The following LDLRAD4 variants were observed in gnomAD, a reference collection of about 807,000 sequenced individuals.
LDLRAD4 encodes the protein low density lipoprotein receptor class A domain containing 4.
LDLRAD4 carries 5 observed loss-of-function variants against 17.0 expected under a neutral mutation model. That is an observed-to-expected ratio of 0.29 (90% CI 0.15 to 0.62). The LOEUF is 0.62. Ranked by LOEUF, LDLRAD4 falls within the 20% of genes least tolerant of loss-of-function variation. LDLRAD4 has a pLI of 0.84. For missense variants in LDLRAD4, 340 were observed against 424.7 expected (o/e 0.80, Z 1.75); for synonymous variants, 168 against 171.8 (o/e 0.98, Z 0.17).
At chr18:13,274,429 T>TA (rs2044738894), upstream of LDLRAD4, among the ~76,000 whole-genome samples, 1 of 152,182 alleles carries the variant, frequency 6.6e-6, no homozygotes, top group Non-Finnish European at 1.5e-5. Flanking sequence ...GCTAGAGAGT[T>TA]AAAGTTATGC....
intron 3 of LDLRAD4, among the ~76,000 whole-genome samples, chr18:13,589,715 T>C (rs2094984572): frequency 6.6e-6 from 1 of 151,818 alleles, no homozygotes; most frequent in Non-Finnish European, 1.5e-5. Flanking sequence ...CTTCAGATGG[T>C]GAAGTCAGAA....
At position 13,446,253 on chromosome 18, in the gene LDLRAD4, G is replaced by A. The variant is rs536106409; in HGVS notation, c.181+7869G>A. On this transcript the variant is annotated intron_variant, in intron 3 of 5. Coordinates refer to ENST00000359446, the Ensembl canonical transcript of LDLRAD4. ...CAGAGTCACACAGCCAAGGCGTGCC[G>A]CTGCTGGGGTGTTGAACTCAGGCCA... is the stretch of plus-strand genomic sequence containing the variant. Among the ~76,000 whole-genome samples, 5 of 152,272 alleles carry A rather than the reference G, an allele frequency of 3.3e-5. No homozygotes were observed. The East Asian group carries it at 5.8e-4, about 18-fold the overall frequency.
intron 2 of LDLRAD4, among the ~76,000 whole-genome samples, chr18:13,395,629 T>TTGGCGTTGGGTGGGGAGC (rs2086616624): frequency 5.8e-5 from 1 of 17,314 alleles, no homozygotes. Flanking sequence ...GGGGCGGGAG[T>TTGGCGTTGGGTGGGGAGC]TGGCGTTGGG....
intron 1 of LDLRAD4, among the ~76,000 whole-genome samples, chr18:13,370,721 T>TTTTTTGTTTGTTTTTG (rs1431231760): frequency 3.1e-4 from 45 of 147,098 alleles, no homozygotes; most frequent in African/African-American, 9.9e-4. Context: ...TTGTTTTTTT[T>TTTTTTGTTTGTTTTTG]TTTTTTTGAG....
intron 3 of LDLRAD4, among the ~76,000 whole-genome samples, chr18:13,580,605 C>T (rs1413283793): frequency 2.6e-5 from 4 of 152,266 alleles, no homozygotes; most frequent in South Asian, 2.1e-4. Flanking sequence ...GGCGATGGCA[C>T]GGTGGCCACT....
intron 3 of LDLRAD4, chr18:13,613,956 A>C (rs1427080799): frequency 6.6e-6 from 1 of 152,276 alleles, no homozygotes; most frequent in Non-Finnish European, 1.5e-5. Context: ...CAGAGTAACC[A>C]GGAGGCTCTT....
At chr18:13,353,114 G>A (rs745660259) in intron 1 of LDLRAD4, among the ~76,000 whole-genome samples, 4 of 151,898 alleles carry the variant, frequency 2.6e-5, no homozygotes, top group Non-Finnish European at 5.9e-5. Context: ...GTTTCTTCAG[G>A]GATAGTTTCC....
chr18:13,593,601 C>G (rs1438503462), intron 3 of LDLRAD4, among the ~76,000 whole-genome samples: 1 of 152,174 alleles, frequency 6.6e-6, no homozygotes, highest in African/African-American at 2.4e-5. Flanking sequence ...ATCCATCCAT[C>G]CATCCTATTT....
intron 1 of LDLRAD4, among the ~76,000 whole-genome samples, chr18:13,373,154 A>AAT (rs1419421468): frequency 8.9e-5 from 4 of 44,940 alleles, no homozygotes; most frequent in Non-Finnish European, 2.0e-4. Context: ...ACAACTGTTT[A>AAT]ATGTGTGTGT....
intron 3 of LDLRAD4, among the ~76,000 whole-genome samples, chr18:13,438,589 A>G (rs1381622903): frequency 6.6e-6 from 1 of 152,292 alleles, no homozygotes; most frequent in East Asian, 1.9e-4. Flanking sequence ...TAAAGTGGTC[A>G]GCGGAGCTGT....
chr18:13,522,787 G>C (rs1379060270), intron 3 of LDLRAD4: 1 of 152,792 alleles, frequency 6.5e-6, no homozygotes, highest in Admixed American at 6.5e-5. Flanking sequence ...TAAATCCTAG[G>C]GTGTTTTGGG....
intron 3 of LDLRAD4, among the ~76,000 whole-genome samples, chr18:13,506,876 C>G (rs907275615): frequency 1.3e-5 from 2 of 152,226 alleles, no homozygotes; most frequent in East Asian, 1.9e-4. Flanking sequence ...GCATGGTGAT[C>G]TGCATGGCAG....
At chr18:13,514,106 C>G (rs924959719) in intron 3 of LDLRAD4, among the ~76,000 whole-genome samples, 1 of 152,174 alleles carries the variant, frequency 6.6e-6, no homozygotes, top group Non-Finnish European at 1.5e-5. Context: ...TATGTTAACT[C>G]TTGTACTAAC....
At chr18:13,236,557 C>G (rs2042349265) in intron 1 of LDLRAD4, 1 of 152,238 alleles carries the variant, frequency 6.6e-6, no homozygotes, top group South Asian at 2.1e-4. Context: ...CTCAGGTGAT[C>G]CGCCCTCCTT....
chr18:13,396,754 A>T (rs2086730139), intron 2 of LDLRAD4, among the ~76,000 whole-genome samples: 1 of 152,198 alleles, frequency 6.6e-6, no homozygotes. Flanking sequence ...AAGTGCTAGG[A>T]TTACAGGTGT....
intron 2 of LDLRAD4, among the ~76,000 whole-genome samples, chr18:13,421,855 C>T (rs990344844): frequency 6.6e-6 from 1 of 152,146 alleles, no homozygotes; most frequent in Non-Finnish European, 1.5e-5. Context: ...GCCTGGGGGA[C>T]GGGCCTGGGG....
At chr18:13,480,364 G>A (rs1289670364) in intron 3 of LDLRAD4, among the ~76,000 whole-genome samples, 1 of 152,202 alleles carries the variant, frequency 6.6e-6, no homozygotes, top group Non-Finnish European at 1.5e-5. Context: ...TTCTGGAATA[G>A]GCAAAACTGT....
At chr18:13,617,254 T>C (rs1335209523) in intron 3 of LDLRAD4, among the ~76,000 whole-genome samples, 1 of 152,164 alleles carries the variant, frequency 6.6e-6, no homozygotes, top group Non-Finnish European at 1.5e-5. Flanking sequence ...AGAGAGTAAT[T>C]CCATGCACTG....
chr18:13,570,324 C>T (rs555555083), intron 3 of LDLRAD4, among the ~76,000 whole-genome samples: 35 of 152,294 alleles, frequency 2.3e-4, no homozygotes, highest in South Asian at 1.2e-3. Context: ...CTCGGGTCTC[C>T]GTGACCTTGT....
Sources: gnomAD v4.1 joint callset for allele counts (sites outside exome capture counted in the v4.1 genomes callset) on GRCh38, gnomAD v4.1.1 for gene constraint, MANE v1.5 for transcripts, NCBI Gene and HGNC (gene_info 2026-07-23, HGNC 2026-07-21) for gene names.